ZNF385D: variants seen among roughly 807,000 people sequenced by gnomAD.
ZNF385D encodes the protein zinc finger protein 659.
ZNF385D carries 15 observed loss-of-function variants against 35.8 expected under a neutral mutation model. That is an observed-to-expected ratio of 0.42 (90% confidence interval 0.28 to 0.64). The LOEUF is 0.64. Among genes scored for constraint, ZNF385D ranks in the 30% least tolerant of loss-of-function variants. The probability of loss-of-function intolerance (pLI) is 0.23; values close to 1 mark genes in which losing one functional copy is unlikely to be tolerated. For missense variants in ZNF385D, 474 were observed against 494.6 expected (o/e 0.96, Z 0.39); for synonymous variants, 212 against 186.8 (o/e 1.13, Z -1.10).
At chr3:21,580,797 CTA>C (rs71911658) in intron 2 of ZNF385D, among the ~76,000 whole-genome samples, 30,365 of 149,768 alleles carry the variant, frequency 0.2, 3,783 homozygotes, top group Non-Finnish European at 0.29. Flanking sequence ...ATGTTTGTGT[CTA>C]TGTGTGTGTA....
chr3:21,520,912 G>A (rs376142586), intron 3 of ZNF385D, among the ~76,000 whole-genome samples: 1 of 152,094 alleles, frequency 6.6e-6, no homozygotes, highest in East Asian at 1.9e-4. Flanking sequence ...CAGAGAAATT[G>A]AGTATGGCAT....
At chr3:22,287,974 G>A (rs1259767335) in intron 2 of ZNF385D, among the ~76,000 whole-genome samples, 1 of 151,982 alleles carries the variant, frequency 6.6e-6, no homozygotes, top group Non-Finnish European at 1.5e-5. Context: ...TTGTTTGTCT[G>A]AGAAAGTCTG....
chr3:21,763,500 T>C (rs1186862431), intron 3 of ZNF385D, among the ~76,000 whole-genome samples: 1 of 152,190 alleles, frequency 6.6e-6, no homozygotes, highest in Non-Finnish European at 1.5e-5. Flanking sequence ...TATTGGTGTT[T>C]AAAACTTCTT....
chr3:22,112,871 C>T (rs1459673637), intron 3 of ZNF385D, among the ~76,000 whole-genome samples: 1 of 152,048 alleles, frequency 6.6e-6, no homozygotes, highest in Non-Finnish European at 1.5e-5. Context: ...AATTTTCTAC[C>T]CAGTTCAGGT....
At chr3:21,690,580 T>C (rs898034579) in intron 1 of ZNF385D, among the ~76,000 whole-genome samples, 9 of 152,216 alleles carry the variant, frequency 5.9e-5, no homozygotes, top group Non-Finnish European at 1.5e-5. Flanking sequence ...TGTTGGCATC[T>C]AAACAGAGTC....
Position 21,952,250 on chromosome 3 carries a change from G to T in ZNF385D, c.325+216567C>A, listed in dbSNP as rs530435653. 2.6e-5 allele frequency among the ~76,000 whole-genome samples: 4 copies of T among 151,940 alleles called. No individual in the cohort carries two copies. In the South Asian group the frequency reaches 6.2e-4, roughly 24 times the overall value. On this transcript the variant is annotated intron_variant, in intron 3 of 5. Transcript: ENST00000494108. ...TTTTCTCACTGATCTGTATTTCCTTGCCTGGCATCTCCACTACTTTTATTT... is the reference window on the plus strand; with the variant it reads ...TTTTCTCACTGATCTGTATTTCCTTTCCTGGCATCTCCACTACTTTTATTT...
At chr3:21,851,989 C>G (rs539235543) in intron 3 of ZNF385D, among the ~76,000 whole-genome samples, 1 of 152,112 alleles carries the variant, frequency 6.6e-6, no homozygotes, top group East Asian at 1.9e-4. Flanking sequence ...TGTTACTTAT[C>G]TTTCTCTTCT....
At chr3:22,323,830 C>T (rs1253901917) in intron 2 of ZNF385D, among the ~76,000 whole-genome samples, 2 of 152,134 alleles carry the variant, frequency 1.3e-5, no homozygotes, top group Non-Finnish European at 2.9e-5. Context: ...TTACATGTAA[C>T]ATTCATGAGG....
intron 2 of ZNF385D, among the ~76,000 whole-genome samples, chr3:21,612,977 ATCTTTTT>A (rs1422319555): frequency 2.2e-4 from 32 of 144,360 alleles, no homozygotes; most frequent in African/African-American, 8.4e-4. Flanking sequence ...TTCATGCAAC[ATCTTTTT>A]TCTTTTTTCT....
chr3:21,906,252 G>C (rs2125905664), intron 3 of ZNF385D, among the ~76,000 whole-genome samples: 1 of 152,184 alleles, frequency 6.6e-6, no homozygotes, highest in Admixed American at 6.5e-5. Flanking sequence ...ATTCTTCCCA[G>C]GTTTGTTTCT....
At position 21,602,803 on chromosome 3, in the gene ZNF385D, G is replaced by A. The variant is rs554649809; in HGVS notation, c.166-38119C>T. Reference sequence around the variant, plus strand: ...CCGCCTCGGCCTCCCAAAGTGCTGGGATTACAGGCGTGAGCCACCGCGCCC... The same window carrying A: ...CCGCCTCGGCCTCCCAAAGTGCTGGAATTACAGGCGTGAGCCACCGCGCCC... On this transcript the variant is annotated intron_variant, in intron 2 of 7. Coordinates refer to ENST00000281523, the MANE Select transcript of ZNF385D (RefSeq NM_024697.3). Among the ~76,000 whole-genome samples, 140 of 151,956 alleles carry A rather than the reference G, an allele frequency of 9.2e-4. 1 individual carries two copies. The highest frequency in any genetic ancestry group is 3.3e-3 in the African/African-American group (137 of 41,414).
chr3:21,757,131 TTTTTTTTTG>T (rs1176243627), intron 3 of ZNF385D, among the ~76,000 whole-genome samples: 6 of 130,942 alleles, frequency 4.6e-5, no homozygotes, highest in Non-Finnish European at 9.8e-5. Context: ...TTTTTTTTTT[TTTTTTTTTG>T]TTTTCTTGAG....
intron 3 of ZNF385D, among the ~76,000 whole-genome samples, chr3:22,110,296 C>T (rs1702446317): frequency 6.6e-6 from 1 of 151,696 alleles, no homozygotes; most frequent in East Asian, 1.9e-4. Flanking sequence ...GGGTATATAC[C>T]CAAAGGATTA....
At chr3:22,180,223 A>C (rs1291814041) in intron 2 of ZNF385D, among the ~76,000 whole-genome samples, 6 of 152,258 alleles carry the variant, frequency 3.9e-5, no homozygotes, top group East Asian at 1.9e-4. Flanking sequence ...ACACCCTCCG[A>C]AGACTAAACC....
intron 3 of ZNF385D, among the ~76,000 whole-genome samples, chr3:22,116,198 C>T (rs1302708405): frequency 2.6e-5 from 4 of 151,894 alleles, no homozygotes; most frequent in Non-Finnish European, 5.9e-5. Flanking sequence ...AAAAAGCTCT[C>T]AAGTTATAAA....
intron 3 of ZNF385D, among the ~76,000 whole-genome samples, chr3:21,888,293 A>G (rs1345593971): frequency 1.3e-5 from 2 of 152,194 alleles, no homozygotes; most frequent in African/African-American, 4.8e-5. Context: ...AAAATCTTTT[A>G]TATTGTGGTA....
At chr3:21,470,169 T>G (rs1331814067) in intron 4 of ZNF385D, among the ~76,000 whole-genome samples, 1 of 152,212 alleles carries the variant, frequency 6.6e-6, no homozygotes, top group Non-Finnish European at 1.5e-5. Context: ...ATTTTGTCAC[T>G]TTGCCTAGTG....
At chr3:21,703,350 C>G (rs1164513860) in intron 1 of ZNF385D, among the ~76,000 whole-genome samples, 1 of 152,234 alleles carries the variant, frequency 6.6e-6, no homozygotes, top group East Asian at 1.9e-4. Context: ...CAATTACCTC[C>G]CCCTGGGTCC....
chr3:21,746,130 G>A (rs1191333899), intron 1 of ZNF385D, among the ~76,000 whole-genome samples: 4 of 152,168 alleles, frequency 2.6e-5, no homozygotes, highest in South Asian at 2.1e-4. Context: ...AACTGTGACC[G>A]AATCTTCCGG....
Sources: allele counts gnomAD v4.1 joint callset (sites outside exome capture counted in the v4.1 genomes callset), GRCh38; gene constraint gnomAD v4.1.1; transcripts MANE v1.5; gene names NCBI Gene and HGNC (gene_info 2026-07-23, HGNC 2026-07-21).